DCLK3: variants seen among roughly 807,000 people sequenced by gnomAD.
DCLK3 encodes doublecortin like kinase 3.
Under a neutral mutation model 46.4 loss-of-function variants are expected in DCLK3, and 30 were observed. The ratio of observed to expected loss-of-function variants is 0.65; its 90% confidence interval spans 0.48 to 0.88. The LOEUF (loss-of-function observed/expected upper bound fraction) is 0.88. DCLK3 is among the 40% of genes least tolerant of loss of function. The pLI is 0.00. For missense variants in DCLK3, 846 were observed against 907.1 expected, an observed-to-expected ratio of 0.93 and a Z score of 0.87; for synonymous variants, 401 against 339.2, an observed-to-expected ratio of 1.18 and a Z score of -2.00.
intron 2 of DCLK3, among the ~76,000 whole-genome samples, chr3:36,723,992 G>A (rs888610028): frequency 2.6e-5 from 4 of 152,240 alleles, no homozygotes; most frequent in African/African-American, 9.6e-5. Flanking sequence ...TTCAATGCCA[G>A]CCTGTGAAAG....
At chr3:36,744,136 G>T (rs1385381306) in intron 1 of DCLK3, among the ~76,000 whole-genome samples, 2 of 152,136 alleles carry the variant, frequency 1.3e-5, no homozygotes, top group Non-Finnish European at 2.9e-5. Context: ...AGAGACCAGG[G>T]TTTATGCAAA....
rs560677690 is a variant in DCLK3 at position 36,732,065 on chromosome 3, C to A, written c.1959+5143G>T. ...TACATGAACACAGGGATTAAGCGGA[C>A]TAAAGGAAGGTGCTGTTATGTTCAT... On this transcript the variant is annotated intron_variant, in intron 2 of 4. Coordinates refer to ENST00000636136, the MANE Select transcript of DCLK3 (RefSeq NM_001394672.2). Among the ~76,000 whole-genome samples, 12 of 152,274 alleles carry A rather than the reference C, an allele frequency of 7.9e-5. 1 individual carries two copies. The South Asian group carries it at 2.5e-3, about 32-fold the overall frequency.
chr3:36,734,420 C>T (rs893690017), intron 2 of DCLK3, among the ~76,000 whole-genome samples: 1 of 152,096 alleles, frequency 6.6e-6, no homozygotes, highest in Non-Finnish European at 1.5e-5. Context: ...CACAGGAAAA[C>T]AAATATATTA....
In DCLK3 at chr3:36,745,597, A is replaced by G. The variant is rs73824471; in HGVS notation, c.83-6513T>C. On this transcript the variant is annotated intron_variant, in intron 1 of 4. Coordinates refer to ENST00000636136, the MANE Select transcript of DCLK3 (RefSeq NM_001394672.2). ...CCTGAAAATATTTTCCTTTTTATCA[A>G]CTTTTTATTTCTTTGTGGTTTCAGC... 7.4e-3 allele frequency among the ~76,000 whole-genome samples: 1,133 copies of G among 152,240 alleles called. 10 individuals are homozygous for G. Among genetic ancestry groups the G allele is most frequent in the African/African-American group, 0.018 (747 of 41,542 alleles).
chr3:36,740,692 T>C (rs939830590), intron 1 of DCLK3, among the ~76,000 whole-genome samples: 2 of 152,106 alleles, frequency 1.3e-5, no homozygotes, highest in Non-Finnish European at 2.9e-5. Context: ...GAAGAGAAAT[T>C]GGAAAAGAAC....
At chr3:36,729,657 GA>G (rs1216909521) in intron 2 of DCLK3, 1 of 152,164 alleles carries the variant, frequency 6.6e-6, no homozygotes, top group East Asian at 1.9e-4. Flanking sequence ...ACAGAAGATG[GA>G]AGCAGAGTAC....
At chr3:36,760,631 AAAAG>A (rs10694838) in intron 1 of DCLK3, among the ~76,000 whole-genome samples, 1 of 151,914 alleles carries the variant, frequency 6.6e-6, no homozygotes, top group Non-Finnish European at 1.5e-5. Context: ...TATAATTAAA[AAAAG>A]AAAGAAACAA....
At chr3:36,755,276 G>A (rs1701475846) in intron 1 of DCLK3, among the ~76,000 whole-genome samples, 1 of 152,130 alleles carries the variant, frequency 6.6e-6, no homozygotes. Context: ...AGGGAGGACA[G>A]GAAGGAGATG....
intron 2 of DCLK3, among the ~76,000 whole-genome samples, chr3:36,724,734 T>C (rs192683066): frequency 6.6e-6 from 1 of 152,290 alleles, no homozygotes; most frequent in African/African-American, 2.4e-5. Context: ...TGTGGAACCA[T>C]AAGTCTATTA....
chr3:36,751,940 C>T (rs1349355926), intron 1 of DCLK3, among the ~76,000 whole-genome samples: 1 of 152,216 alleles, frequency 6.6e-6, no homozygotes, highest in Admixed American at 6.5e-5. Flanking sequence ...GATTTTTCAT[C>T]TATTTCTGCC....
intron 3 of DCLK3, among the ~76,000 whole-genome samples, chr3:36,720,880 AC>A (rs1165610461): frequency 6.6e-6 from 1 of 152,000 alleles, no homozygotes; most frequent in Non-Finnish European, 1.5e-5. Flanking sequence ...CCTGTCACCA[AC>A]CCTGCAACCC....
At chr3:36,723,605 T>C (rs1701088953) in intron 2 of DCLK3, among the ~76,000 whole-genome samples, 1 of 152,082 alleles carries the variant, frequency 6.6e-6, no homozygotes, top group African/African-American at 2.4e-5. Flanking sequence ...TCCCAGCCGC[T>C]CCAGCCATGG....
intron 4 of DCLK3, among the ~76,000 whole-genome samples, chr3:36,716,619 C>T (rs1384950149): frequency 6.6e-6 from 1 of 152,250 alleles, no homozygotes; most frequent in Non-Finnish European, 1.5e-5. Context: ...CAGATGGCCA[C>T]TCCTTGGCCA....
chr3:36,717,619 G>A (rs1343285965), intron 4 of DCLK3, among the ~76,000 whole-genome samples: 1 of 152,184 alleles, frequency 6.6e-6, no homozygotes, highest in Non-Finnish European at 1.5e-5. Flanking sequence ...TGCTTCAAGT[G>A]TGCTGCTATA....
chr3:36,730,444 A>C (rs1701186014), intron 2 of DCLK3, among the ~76,000 whole-genome samples: 1 of 152,252 alleles, frequency 6.6e-6, no homozygotes, highest in African/African-American at 2.4e-5. Flanking sequence ...TGAAATATTA[A>C]GAATAAAGTA....
intron 1 of DCLK3, among the ~76,000 whole-genome samples, chr3:36,751,204 C>T (rs543078321): frequency 2.0e-5 from 3 of 151,626 alleles, no homozygotes; most frequent in African/African-American, 7.3e-5. Context: ...TCCCCTAATT[C>T]AAAAGAAGAG....
chr3:36,759,901 T>C (rs552427408), intron 1 of DCLK3, among the ~76,000 whole-genome samples: 21 of 152,280 alleles, frequency 1.4e-4, no homozygotes, highest in African/African-American at 5.1e-4. Flanking sequence ...CATATCATAA[T>C]CGTACATTTC....
intron 1 of DCLK3, among the ~76,000 whole-genome samples, chr3:36,758,313 C>CAT (rs1701506310): frequency 6.6e-6 from 1 of 152,054 alleles, no homozygotes; most frequent in African/African-American, 2.4e-5. Flanking sequence ...ATAATTTCAC[C>CAT]ATATATACTC....
intron 1 of DCLK3, among the ~76,000 whole-genome samples, chr3:36,747,825 C>T (rs1701405831): frequency 1.3e-5 from 2 of 152,182 alleles, no homozygotes; most frequent in African/African-American, 4.8e-5. Context: ...ATCAGTATCA[C>T]CTGGGAGCAT....
Sources: allele counts gnomAD v4.1 joint callset (sites outside exome capture counted in the v4.1 genomes callset), GRCh38; gene constraint gnomAD v4.1.1; transcripts MANE v1.5; gene names NCBI Gene and HGNC (gene_info 2026-07-23, HGNC 2026-07-21).